RNF14: variants seen among roughly 807,000 people sequenced by gnomAD.
RNF14 encodes ring finger protein 14.
Under a neutral mutation model 52.6 loss-of-function variants are expected in RNF14, and 26 were observed. The observed-to-expected ratio is 0.49, with a 90% confidence interval of 0.36 to 0.69. RNF14 has a LOEUF of 0.69. RNF14 is among the 30% of genes least tolerant of loss of function. The probability of loss-of-function intolerance (pLI) is 0.00; values close to 1 mark genes in which losing one functional copy is unlikely to be tolerated. For synonymous variants in RNF14, 194 were observed against 202.0 expected (o/e 0.96, Z 0.34); for missense variants, 404 against 560.4 (o/e 0.72, Z 2.82).
chr5:141,980,028 G>A (rs911091751), intron 5 of RNF14, 95 bp from the exon 6 acceptor site: 1 of 907,182 alleles, frequency 1.1e-6, no homozygotes, highest in African/African-American at 1.6e-5. Flanking sequence ...TAATTTATGT[G>A]CCCATCTGGT....
intron 1 of RNF14, among the ~76,000 whole-genome samples, chr5:141,960,387 G>A (rs969195184): frequency 6.6e-6 from 1 of 152,224 alleles, no homozygotes; most frequent in Non-Finnish European, 1.5e-5. Context: ...GAGTGAGCCC[G>A]AGGAAGTTGA....
At position 141,987,773 on chromosome 5, in the gene RNF14, G is replaced by A; in HGVS notation, c.1408G>A (p.Asp470Asn). ...GGATGTTGACGACGATATTTGGGAA[G>A]ATGAGGTAGAAGACTAGTTAACTAC... ...AVDVDDDIWEDEVED is the reference protein window; with the variant it reads ...AVDVDDDIWENEVED Residue 470 changes from aspartate (D) to asparagine (N), a missense_variant, in exon 9 of 9, where the codon GAT (aspartate) becomes AAT (asparagine). Physicochemically the swap from Asp to Asn is conservative, Grantham distance 23 (BLOSUM62 1). Transcript: ENST00000394520. 4 of 1,613,672 alleles carry A rather than the reference G, an allele frequency of 2.5e-6. No individual in the cohort carries two copies. Among genetic ancestry groups the A allele is most frequent in the Non-Finnish European group, 3.4e-6 (4 of 1,179,988 alleles).
intron 4 of RNF14, among the ~76,000 whole-genome samples, chr5:141,975,497 A>G (rs1358679712): frequency 1.3e-5 from 2 of 152,238 alleles, no homozygotes; most frequent in Non-Finnish European, 1.5e-5. Context: ...AAATGTGTAT[A>G]GTTCCTGTAG....
At chr5:141,958,076 G>A, upstream of RNF14, 1 of 567,778 alleles carries the variant, frequency 1.8e-6, no homozygotes, top group Non-Finnish European at 3.1e-6. Context: ...ATCAAGAATT[G>A]CCAGGGGAGA....
At chr5:141,965,962 C>T (rs558345871), upstream of RNF14, among the ~76,000 whole-genome samples, 3 of 151,104 alleles carry the variant, frequency 2.0e-5, no homozygotes, top group East Asian at 5.8e-4. Flanking sequence ...GCACATGTAC[C>T]CATGAACTTA....
At chr5:141,949,681 A>T in the RNF14 span, 12 of 1,423,868 alleles carry the variant, frequency 8.4e-6, no homozygotes, top group Non-Finnish European at 1.1e-5. Context: ...CCATATAGGG[A>T]ACTGGATACA....
chr5:141,970,783 CA>C lies in RNF14; in HGVS notation c.-100del, dbSNP rs952557160. 5 of 152,298 alleles carry C rather than the reference CA, an allele frequency of 3.3e-5. No homozygotes were observed. Among genetic ancestry groups the C allele is most frequent in the Non-Finnish European group, 7.3e-5 (5 of 68,034 alleles). 9.4% of individuals were successfully genotyped at this position (152,298 alleles called of 1,614,324 possible). On this transcript the variant is annotated 5_prime_UTR_variant, in exon 2 of 9. The change creates a premature stop within an existing upstream ORF in the 5' untranslated region. Coordinates refer to ENST00000394520, the MANE Select transcript of RNF14 (RefSeq NM_004290.5). ...CCAGCTTCAGCAGTCTCAGCTCCAC[CA>C]GTTAGAGAATAAATGGGATTTGCAT...
At chr5:141,957,243 G>C, upstream of RNF14, 1 of 1,614,180 alleles carries the variant, frequency 6.2e-7, no homozygotes, top group Non-Finnish European at 8.5e-7. This position sits in a 1 kb window ranked among gnomAD's most constrained non-coding sequence, Gnocchi z 4.3. Flanking sequence ...GGATTTCCCT[G>C]TCCAGCTCCT....
intron 8 of RNF14, 72 bp from the exon 9 acceptor site, chr5:141,987,661 T>C: frequency 7.0e-7 from 1 of 1,428,212 alleles, no homozygotes; most frequent in Non-Finnish European, 9.9e-7. Context: ...ACAAAAAATA[T>C]TTTTCAGCGG....
At chr5:141,970,358 A>G (rs929386450) in intron 1 of RNF14, among the ~76,000 whole-genome samples, 2 of 152,238 alleles carry the variant, frequency 1.3e-5, no homozygotes, top group Non-Finnish European at 2.9e-5. Flanking sequence ...GAAGGAATAC[A>G]AGAAGCAGAA....
At chr5:141,957,461 G>A (rs1160511748), upstream of RNF14, 2 of 1,612,618 alleles carry the variant, frequency 1.2e-6, no homozygotes. The surrounding 1 kb of genome is among the most constrained non-coding windows in gnomAD (Gnocchi z 4.3). Context: ...CGTGGCTGGT[G>A]GTCATTGATG....
chr5:141,957,334 G>A (rs752435313), upstream of RNF14: 10 of 1,613,536 alleles, frequency 6.2e-6, no homozygotes, highest in Admixed American at 6.7e-5. The surrounding 1 kb of genome is among the most constrained non-coding windows in gnomAD (Gnocchi z 4.3). Context: ...GGGAGACAGA[G>A]TGTAGGTGTG....
chr5:141,976,490 C>T (rs188058447), intron 4 of RNF14, among the ~76,000 whole-genome samples: 157 of 152,214 alleles, frequency 1.0e-3, no homozygotes, highest in African/African-American at 3.7e-3. Context: ...AATTCTTAAT[C>T]AAATAAATGT....
upstream of RNF14, chr5:141,955,589 C>G (rs1198750158): frequency 1.2e-6 from 2 of 1,614,098 alleles, no homozygotes; most frequent in Non-Finnish European, 1.7e-6. The surrounding 1 kb of genome is among the most constrained non-coding windows in gnomAD (Gnocchi z 5.5). Flanking sequence ...GTGGACTCGG[C>G]CTCCCGACAG....
At chr5:141,955,354 C>A (rs1040074840), upstream of RNF14, 4 of 1,614,120 alleles carry the variant, frequency 2.5e-6, no homozygotes, top group Admixed American at 3.3e-5. This position sits in a 1 kb window ranked among gnomAD's most constrained non-coding sequence, Gnocchi z 5.5. Flanking sequence ...CGCCGGTGCT[C>A]CCTGGTTGCC....
upstream of RNF14, among the ~76,000 whole-genome samples, chr5:141,966,380 A>T (rs148732575): frequency 1.3e-3 from 199 of 152,352 alleles, no homozygotes; most frequent in African/African-American, 4.6e-3. Flanking sequence ...AAAAATAAAT[A>T]AAAATGTCAT....
At chr5:141,972,880 C>T (rs931779557) in intron 2 of RNF14, among the ~76,000 whole-genome samples, 7 of 152,286 alleles carry the variant, frequency 4.6e-5, no homozygotes, top group Non-Finnish European at 7.4e-5. Flanking sequence ...CACGAGCCAC[C>T]GCGCCTGGCA....
At chr5:141,960,385 C>T (rs1753259337) in intron 1 of RNF14, among the ~76,000 whole-genome samples, 1 of 152,146 alleles carries the variant, frequency 6.6e-6, no homozygotes, top group Non-Finnish European at 1.5e-5. Flanking sequence ...AGGAGTGAGC[C>T]CGAGGAAGTT....
chr5:141,957,713 C>G, upstream of RNF14: 6 of 1,614,094 alleles, frequency 3.7e-6, no homozygotes, highest in Non-Finnish European at 5.1e-6. The surrounding 1 kb of genome is among the most constrained non-coding windows in gnomAD (Gnocchi z 4.3). Context: ...GACAGCTTCC[C>G]GATCACTGTA....
Sources: allele counts gnomAD v4.1 joint callset (sites outside exome capture counted in the v4.1 genomes callset), GRCh38; gene constraint gnomAD v4.1.1; non-coding constraint Gnocchi (gnomAD v3.1); transcripts MANE v1.5; gene names NCBI Gene and HGNC (gene_info 2026-07-23, HGNC 2026-07-21).